GLOD5: variants seen among roughly 807,000 people sequenced by gnomAD.
The protein encoded by GLOD5 is glyoxalase domain containing 5, also known as glyoxalase domain-containing protein 5.
Under a neutral mutation model 9.9 loss-of-function variants are expected in GLOD5, and 7 were observed. The observed-to-expected ratio is 0.71, with a 90% confidence interval of 0.40 to 1.33. The LOEUF is 1.33. Among genes scored for constraint, GLOD5 ranks in the 40% most tolerant of loss-of-function variants. The pLI is 0.01. For missense variants in GLOD5, 146 were observed against 128.4 expected (o/e 1.14, Z -0.66); for synonymous variants, 49 against 47.3 (o/e 1.04, Z -0.14).
chrX:48,766,143 GA>G, intron 2 of GLOD5, 171 bp downstream of exon 2: 1 of 443,325 alleles, frequency 2.3e-6, no homozygotes. Flanking sequence ...AGAGAATGGA[GA>G]AAAAAGAGAG....
intron 2 of GLOD5, among the ~76,000 whole-genome samples, chrX:48,769,567 T>C (rs1557017094): frequency 9.0e-6 from 1 of 111,026 alleles, no homozygotes; most frequent in Non-Finnish European, 1.9e-5. Context: ...AATGGGTTAG[T>C]TAAAAATTGT....
intron 2 of GLOD5, among the ~76,000 whole-genome samples, chrX:48,766,952 C>T (rs2062610674): frequency 2.0e-5 from 1 of 49,114 alleles, no homozygotes; most frequent in South Asian, 1.3e-3. Context: ...CATCACTGCA[C>T]TCCAGCCTGG....
At chrX:48,765,440 T>G (rs782662508) in intron 1 of GLOD5, among the ~76,000 whole-genome samples, 14 of 108,664 alleles carry the variant, frequency 1.3e-4, no homozygotes, top group Admixed American at 9.9e-5. Context: ...TAGCTGGGCG[T>G]GGTGACACAC....
chrX:48,770,670 G>A (rs2062620127), intron 2 of GLOD5, among the ~76,000 whole-genome samples: 1 of 111,862 alleles, frequency 8.9e-6, no homozygotes, highest in Admixed American at 9.5e-5. Context: ...ATGTATACTG[G>A]GTAGGCAAAT....
At chrX:48,767,456 G>A (rs377490710) in intron 2 of GLOD5, among the ~76,000 whole-genome samples, 37 of 111,455 alleles carry the variant, frequency 3.3e-4, no homozygotes, top group South Asian at 1.1e-3. Flanking sequence ...GTGAAACCCC[G>A]TCTCTACTAA....
At chrX:48,764,018 C>T (rs191493651) in intron 1 of GLOD5, among the ~76,000 whole-genome samples, 1 of 112,617 alleles carries the variant, frequency 8.9e-6, no homozygotes, top group African/African-American at 3.2e-5. Flanking sequence ...CCAATGGAAT[C>T]GAATCGAACA....
Position 48,770,953 on chromosome X carries a change from A to T in GLOD5, c.228A>T (p.Gly76=), listed in dbSNP as rs2062620756. 1 of 1,198,040 alleles carries T rather than the reference A, an allele frequency of 8.3e-7. No individual in the cohort carries two copies. The highest frequency in any genetic ancestry group is 1.8e-5 in the South Asian group (1 of 54,220). The change falls in exon 3 of 4, where the codon GGA becomes GGT. Residue 76 remains glycine, a synonymous_variant. Coordinates refer to ENST00000303227, the MANE Select transcript of GLOD5 (RefSeq NM_001080489.3). ...AAGACCGGAAAGCACTGTGTTTTGG[A>T]GACCAGAAATTTAACCTCCACGAGG... is the stretch of plus-strand genomic sequence containing the variant. The part of the protein sequence containing the change: ...FKEDRKALCF[G]DQKFNLHEVG...
At chrX:48,771,350 C>G (rs1418312594) in intron 3 of GLOD5, among the ~76,000 whole-genome samples, 2 of 105,187 alleles carry the variant, frequency 1.9e-5, no homozygotes, top group African/African-American at 7.0e-5. Context: ...GAGTCTTGCT[C>G]TGTTACCCAG....
chrX:48,769,241 C>T (rs782167441), intron 2 of GLOD5, among the ~76,000 whole-genome samples: 7 of 109,252 alleles, frequency 6.4e-5, no homozygotes, highest in East Asian at 5.8e-4. Flanking sequence ...TGGTGGCTCA[C>T]GCCTGCAATC....
chrX:48,764,956 G>C (rs1420263265), intron 1 of GLOD5, among the ~76,000 whole-genome samples: 3 of 111,493 alleles, frequency 2.7e-5, no homozygotes, highest in Non-Finnish European at 5.6e-5. Context: ...TCAAGAGAAA[G>C]ATCTGATGGG....
At chrX:48,768,755 C>T (rs782059618) in intron 2 of GLOD5, among the ~76,000 whole-genome samples, 32 of 111,985 alleles carry the variant, frequency 2.9e-4, no homozygotes, top group Non-Finnish European at 5.1e-4. Flanking sequence ...GTTGGCCAGA[C>T]GTGGTGGCTC....
intron 3 of GLOD5, among the ~76,000 whole-genome samples, chrX:48,771,506 G>A (rs1026716580): frequency 4.5e-5 from 5 of 110,369 alleles, no homozygotes; most frequent in Non-Finnish European, 9.5e-5. Flanking sequence ...AGTAGAGACA[G>A]GGTTTCACCA....
chrX:48,763,624 T>C (rs1557016255), intron 1 of GLOD5, among the ~76,000 whole-genome samples: 2 of 111,908 alleles, frequency 1.8e-5, no homozygotes, highest in African/African-American at 6.5e-5. Flanking sequence ...GTCCAGGAGG[T>C]TGAGGCTGCA....
chrX:48,766,517 G>A (rs1246274384), intron 2 of GLOD5, among the ~76,000 whole-genome samples: 4 of 110,901 alleles, frequency 3.6e-5, no homozygotes, highest in Admixed American at 1.9e-4. Context: ...TTGGGAGGCC[G>A]AGGTGGGCGG....
intron 2 of GLOD5, 164 bp downstream of exon 2, chrX:48,766,136 G>C (rs1416511381): frequency 2.2e-6 from 1 of 462,810 alleles, no homozygotes; most frequent in East Asian, 4.0e-5. Context: ...TCCAGAGAGA[G>C]AATGGAGAAA....
At chrX:48,767,666 C>T (rs1557016860) in intron 2 of GLOD5, among the ~76,000 whole-genome samples, 2 of 111,401 alleles carry the variant, frequency 1.8e-5, no homozygotes, top group African/African-American at 6.5e-5. Flanking sequence ...GCCAAGATTG[C>T]ACCATTGCAC....
At chrX:48,770,561 C>T (rs1450596187) in intron 2 of GLOD5, among the ~76,000 whole-genome samples, 5 of 111,240 alleles carry the variant, frequency 4.5e-5, no homozygotes, top group South Asian at 3.7e-4. Context: ...GTCCAGCTAA[C>T]GTGGCCTCCG....
At chrX:48,772,949 T>G (rs948595783) in intron 3 of GLOD5, among the ~76,000 whole-genome samples, 2 of 110,577 alleles carry the variant, frequency 1.8e-5, no homozygotes, top group African/African-American at 6.6e-5. Flanking sequence ...GAATTAAATT[T>G]TACAGGCCAG....
At chrX:48,772,357 G>A (rs190995695) in intron 3 of GLOD5, among the ~76,000 whole-genome samples, 2 of 110,719 alleles carry the variant, frequency 1.8e-5, no homozygotes, top group South Asian at 3.8e-4. Flanking sequence ...GTAACATGGC[G>A]AGACCCTGTG....
Sources: gnomAD v4.1 joint callset for allele counts (sites outside exome capture counted in the v4.1 genomes callset) on GRCh38, gnomAD v4.1.1 for gene constraint, MANE v1.5 for transcripts, NCBI Gene and HGNC (gene_info 2026-07-23, HGNC 2026-07-21) for gene names.